Variants in RNLS observed in about 807,000 individuals in gnomAD.
The protein encoded by RNLS is renalase, FAD dependent amine oxidase.
A neutral mutation model predicts 39.8 loss-of-function variants in RNLS; 39 were observed. The ratio of observed to expected loss-of-function variants is 0.98; its 90% CI spans 0.76 to 1.28. The LOEUF is 1.28. RNLS is among the 50% of genes most tolerant of loss of function. The probability of loss-of-function intolerance (pLI) is 0.00; values close to 1 mark genes in which losing one functional copy is unlikely to be tolerated. For missense variants in RNLS, 410 were observed against 413.3 expected (o/e 0.99, Z 0.07); for synonymous variants, 147 against 150.7 (o/e 0.98, Z 0.18).
intron 5 of RNLS, among the ~76,000 whole-genome samples, chr10:88,348,792 G>C (rs143066257): frequency 0.021 from 3,132 of 152,108 alleles, 42 homozygotes; most frequent in Non-Finnish European, 0.031. Context: ...GAGATTATTG[G>C]GTTAATGTTG....
Position 88,312,567 on chromosome 10 carries a change from C to G in RNLS, c.876+1899G>C, listed in dbSNP as rs142774675. Among the ~76,000 whole-genome samples, 750 of 152,196 alleles carry G rather than the reference C, an allele frequency of 4.9e-3. 2 individuals carry two copies. The highest frequency in any genetic ancestry group is 0.031 in the Middle Eastern group (9 of 294). ...TGGAAGGACTTGAGAGGCAGGTAGACTGGTTTTGTCATTATTAGCTGTGGG... is the reference window on the plus strand; with the variant it reads ...TGGAAGGACTTGAGAGGCAGGTAGAGTGGTTTTGTCATTATTAGCTGTGGG... On this transcript the variant is annotated intron_variant, in intron 6 of 6. Transcript: ENST00000331772.
chr10:88,351,389 C>G (rs1848696239), intron 5 of RNLS, among the ~76,000 whole-genome samples: 1 of 152,174 alleles, frequency 6.6e-6, no homozygotes, highest in South Asian at 2.1e-4. Flanking sequence ...TTTAATCCAT[C>G]TTGAATTAAT....
At chr10:88,370,083 T>G (rs1343614793) in intron 4 of RNLS, among the ~76,000 whole-genome samples, 1 of 152,198 alleles carries the variant, frequency 6.6e-6, no homozygotes, top group Non-Finnish European at 1.5e-5. Flanking sequence ...ATCTAGCTTC[T>G]TCTAGGAAAG....
intron 4 of RNLS, among the ~76,000 whole-genome samples, chr10:88,414,461 TGAA>T (rs776070614): frequency 1.4e-4 from 22 of 152,204 alleles, no homozygotes; most frequent in Admixed American, 2.6e-4. Context: ...ATCAGATTCT[TGAA>T]GAAGATTAAA....
intron 6 of RNLS, among the ~76,000 whole-genome samples, chr10:88,303,210 G>GCT (rs1844658116): frequency 6.6e-6 from 1 of 152,246 alleles, no homozygotes; most frequent in Admixed American, 6.5e-5. Flanking sequence ...TTAGAGAAGA[G>GCT]GTAGGGGCAG....
At chr10:88,294,850 C>G (rs1322267383) in intron 6 of RNLS, among the ~76,000 whole-genome samples, 1 of 152,082 alleles carries the variant, frequency 6.6e-6, no homozygotes, top group Non-Finnish European at 1.5e-5. Flanking sequence ...TTCAAATGTT[C>G]TCTAAGGGTG....
Position 88,284,722 on chromosome 10 carries a change from G to T in RNLS, c.*632C>A. 3.0e-6 allele frequency: 3 copies of T among 985,290 alleles called. No individual in the cohort carries two copies. The highest frequency in any genetic ancestry group is 3.6e-6 in the Non-Finnish European group (3 of 829,898). The allele number at this position is 985,290 out of a possible 1,614,324, so 61.0% of individuals were successfully genotyped here. On this transcript the variant is annotated 3_prime_UTR_variant, in exon 7 of 7. Coordinates refer to ENST00000331772, the MANE Select transcript of RNLS (RefSeq NM_001031709.3). The stretch of plus-strand genomic sequence containing the variant: ...TTTGAAAGTTAAAAAGTACTGTGTG[G>T]CTGGGAAAATCATGTGGAATCTTAT...
At chr10:88,436,027 G>C (rs948734826) in intron 4 of RNLS, among the ~76,000 whole-genome samples, 6 of 152,064 alleles carry the variant, frequency 3.9e-5, no homozygotes, top group African/African-American at 1.4e-4. Flanking sequence ...AGGTGGGAAG[G>C]AGCCAGGGAA....
intron 4 of RNLS, among the ~76,000 whole-genome samples, chr10:88,444,285 A>G (rs944542875): frequency 3.3e-5 from 5 of 152,338 alleles, no homozygotes; most frequent in African/African-American, 1.2e-4. Flanking sequence ...GAAAACTAAC[A>G]AACAGAAAGG....
At chr10:88,293,658 T>C (rs1476924788) in intron 6 of RNLS, among the ~76,000 whole-genome samples, 1 of 152,032 alleles carries the variant, frequency 6.6e-6, no homozygotes, top group East Asian at 1.9e-4. Context: ...ATTACCTTAG[T>C]TCCCAAAACA....
rs997716109 is a variant in RNLS, at chr10:88,504,092, T to G, written c.526+68811A>C. Reference sequence around the variant, plus strand: ...CGTGAGTGAGCTAGGAAGTAGATTTTCCAGTCCCAGCTAAACCTTATGAAA... The same window carrying G: ...CGTGAGTGAGCTAGGAAGTAGATTTGCCAGTCCCAGCTAAACCTTATGAAA... On this transcript the variant is annotated intron_variant, in intron 4 of 6. Coordinates refer to ENST00000331772, the MANE Select transcript of RNLS (RefSeq NM_001031709.3). Among the ~76,000 whole-genome samples, 5 of 152,132 alleles carry G rather than the reference T, an allele frequency of 3.3e-5. No homozygotes were observed. The South Asian group carries it at 1.0e-3, about 31-fold the overall frequency.
At chr10:88,383,268 G>T (rs1321230333) in intron 4 of RNLS, among the ~76,000 whole-genome samples, 1 of 152,046 alleles carries the variant, frequency 6.6e-6, no homozygotes, top group African/African-American at 2.4e-5. Context: ...AAATTTTTAT[G>T]AATGAGATGC....
intron 4 of RNLS, among the ~76,000 whole-genome samples, chr10:88,379,651 T>C (rs1368207835): frequency 6.6e-6 from 1 of 152,220 alleles, no homozygotes; most frequent in African/African-American, 2.4e-5. Context: ...TTGACAACTT[T>C]TCTATCAAGA....
the RNLS span, among the ~76,000 whole-genome samples, chr10:88,217,729 C>T: frequency 2.8e-5 from 1 of 35,496 alleles, no homozygotes; most frequent in Admixed American, 2.2e-4. Context: ...TCTCTTATTG[C>T]CTTCAAATGA....
chr10:88,247,639 C>T, the RNLS span, among the ~76,000 whole-genome samples: 2 of 152,166 alleles, frequency 1.3e-5, no homozygotes, highest in South Asian at 4.1e-4. Flanking sequence ...GGTAGATAGA[C>T]TAATAGCCTC....
chr10:88,479,370 A>G (rs868742376), intron 4 of RNLS, among the ~76,000 whole-genome samples: 1 of 152,224 alleles, frequency 6.6e-6, no homozygotes, highest in African/African-American at 2.4e-5. Context: ...CACCTGAAGC[A>G]GTAAGTAGGA....
chr10:88,376,310 GA>G (rs1272662397), intron 4 of RNLS, among the ~76,000 whole-genome samples: 1 of 151,956 alleles, frequency 6.6e-6, no homozygotes, highest in African/African-American at 2.4e-5. Flanking sequence ...TCCCTTTAGT[GA>G]AAAAAGGAGA....
the RNLS span, among the ~76,000 whole-genome samples, chr10:88,173,126 G>A: frequency 2.0e-5 from 3 of 151,932 alleles, no homozygotes; most frequent in Non-Finnish European, 4.4e-5. Context: ...CCAAAGTGCT[G>A]GGATTACAGG....
chr10:88,310,454 G>A (rs1447690203), intron 6 of RNLS, among the ~76,000 whole-genome samples: 2 of 151,918 alleles, frequency 1.3e-5, no homozygotes, highest in African/African-American at 4.8e-5. Context: ...TAAAGAGAAT[G>A]TTTATGTTTA....
Sources: gnomAD v4.1 joint callset for allele counts (sites outside exome capture counted in the v4.1 genomes callset) on GRCh38, gnomAD v4.1.1 for gene constraint, MANE v1.5 for transcripts, NCBI Gene and HGNC (gene_info 2026-07-23, HGNC 2026-07-21) for gene names.